KLF8: variants seen among roughly 807,000 people sequenced by gnomAD.
The protein encoded by KLF8 is Krueppel-like factor 8.
KLF8 carries 10 observed loss-of-function variants against 18.2 expected under a neutral mutation model. That is an observed-to-expected ratio of 0.55 (90% CI 0.34 to 0.93). The LOEUF is 0.93. Among genes scored for constraint, KLF8 ranks in the 40% least tolerant of loss-of-function variants. KLF8 has a pLI of 0.02. For synonymous variants in KLF8, 109 were observed against 97.3 expected (o/e 1.12, Z -0.71); for missense variants, 264 against 277.9 (o/e 0.95, Z 0.36).
the KLF8 span, among the ~76,000 whole-genome samples, chrX:56,136,415 A>G: frequency 1.8e-5 from 2 of 111,187 alleles, no homozygotes; most frequent in Admixed American, 9.6e-5. Context: ...GATATAGATC[A>G]ATGGAACAGA....
the KLF8 span, among the ~76,000 whole-genome samples, chrX:56,012,812 C>T: frequency 9.0e-6 from 1 of 111,337 alleles, no homozygotes; most frequent in Non-Finnish European, 1.9e-5. Context: ...CAGTGCTATT[C>T]CCATTTAACT....
chrX:55,927,334 T>C, the KLF8 span, among the ~76,000 whole-genome samples: 2 of 112,380 alleles, frequency 1.8e-5, no homozygotes, highest in African/African-American at 6.5e-5. Context: ...CTTTCTCTTC[T>C]ATCATGCATA....
chrX:56,056,444 A>G, the KLF8 span, among the ~76,000 whole-genome samples: 4 of 108,433 alleles, frequency 3.7e-5, no homozygotes, highest in African/African-American at 6.7e-5. Context: ...GCACTACACT[A>G]TACACCATGG....
the KLF8 span, among the ~76,000 whole-genome samples, chrX:56,178,046 TC>T: frequency 8.9e-6 from 1 of 111,991 alleles, no homozygotes; most frequent in Non-Finnish European, 1.9e-5. Context: ...CCCTTGTGCT[TC>T]CCAGATGAGG....
the KLF8 span, among the ~76,000 whole-genome samples, chrX:56,208,854 T>G: frequency 8.9e-6 from 1 of 112,307 alleles, no homozygotes; most frequent in Non-Finnish European, 1.9e-5. Flanking sequence ...TTAAAAAAAT[T>G]TTTAAGACTT....
At chrX:56,247,904 T>C (rs1338956594) in intron 1 of KLF8, among the ~76,000 whole-genome samples, 1 of 111,451 alleles carries the variant, frequency 9.0e-6, no homozygotes, top group Admixed American at 9.6e-5. Context: ...CAGAAAACAA[T>C]AACATAGTCA....
At chrX:56,227,874 AACACAC>A (rs72391707), upstream of KLF8, among the ~76,000 whole-genome samples, 2,385 of 85,447 alleles carry the variant, frequency 0.028, 89 homozygotes, top group Admixed American at 0.12. Context: ...CCCTAGCCCC[AACACAC>A]ACACACACAC....
the KLF8 span, among the ~76,000 whole-genome samples, chrX:56,000,766 T>C: frequency 8.9e-6 from 1 of 111,772 alleles, no homozygotes; most frequent in East Asian, 2.8e-4. Flanking sequence ...ATATAAATTT[T>C]GTTTATCTTT....
At chrX:56,269,524 TA>T in intron 4 of KLF8, 35 bp downstream of exon 4, 2 of 1,087,043 alleles carry the variant, frequency 1.8e-6, no homozygotes, top group Non-Finnish European at 2.4e-6. Context: ...TGTCTTTGTG[TA>T]TGTGTGTGTG....
At chrX:55,943,558 T>C in the KLF8 span, among the ~76,000 whole-genome samples, 2 of 111,490 alleles carry the variant, frequency 1.8e-5, no homozygotes, top group Middle Eastern at 4.6e-3. Flanking sequence ...GGTAAAATAA[T>C]TAGCCACAGA....
At chrX:56,051,203 G>T in the KLF8 span, among the ~76,000 whole-genome samples, 2 of 111,398 alleles carry the variant, frequency 1.8e-5, no homozygotes, top group Non-Finnish European at 3.8e-5. Flanking sequence ...GCATACTGAT[G>T]GGTCTTGACT....
the KLF8 span, among the ~76,000 whole-genome samples, chrX:56,162,447 C>A: frequency 2.7e-5 from 3 of 111,892 alleles, no homozygotes; most frequent in Non-Finnish European, 5.6e-5. Context: ...GCTTTGTTTA[C>A]CTACTCAAGC....
the KLF8 span, among the ~76,000 whole-genome samples, chrX:56,103,216 A>G: frequency 9.1e-6 from 1 of 109,767 alleles, no homozygotes; most frequent in Non-Finnish European, 1.9e-5. Flanking sequence ...TTCCATATGA[A>G]CTTTAAAGTA....
the KLF8 span, among the ~76,000 whole-genome samples, chrX:56,212,115 T>C: frequency 9.0e-6 from 1 of 111,117 alleles, no homozygotes; most frequent in Non-Finnish European, 1.9e-5. Flanking sequence ...TTGTCTGGGG[T>C]CTAGGGCCTG....
chrX:56,167,499 T>A, the KLF8 span, among the ~76,000 whole-genome samples: 1 of 112,075 alleles, frequency 8.9e-6, no homozygotes, highest in African/African-American at 3.2e-5. Context: ...GGATTAACTC[T>A]ACCGTATTAG....
the KLF8 span, among the ~76,000 whole-genome samples, chrX:55,953,391 A>T: frequency 9.0e-6 from 1 of 110,591 alleles, no homozygotes; most frequent in Non-Finnish European, 1.9e-5. Flanking sequence ...CAATTTTAAG[A>T]TGGCATTTCT....
intron 3 of KLF8, 159 bp from the exon 4 acceptor site, chrX:56,269,219 C>A: frequency 9.6e-7 from 1 of 1,038,365 alleles, no homozygotes; most frequent in Non-Finnish European, 1.2e-6. Context: ...ATGTTATTCT[C>A]TTCCTTCCAT....
the KLF8 span, among the ~76,000 whole-genome samples, chrX:55,990,493 A>C: frequency 1.7e-4 from 19 of 112,049 alleles, no homozygotes; most frequent in East Asian, 2.8e-3. Context: ...TGTTCAGTTT[A>C]CATGTAGTTG....
the KLF8 span, among the ~76,000 whole-genome samples, chrX:56,165,020 G>A: frequency 1.6e-4 from 15 of 93,984 alleles, no homozygotes; most frequent in Non-Finnish European, 2.9e-4. Context: ...TTTTGTTCTT[G>A]CGATAGTTTA....
Sources: gnomAD v4.1 joint callset for allele counts (sites outside exome capture counted in the v4.1 genomes callset) on GRCh38, gnomAD v4.1.1 for gene constraint, MANE v1.5 for transcripts, NCBI Gene and HGNC (gene_info 2026-07-23, HGNC 2026-07-21) for gene names.